The following PTPRG variants were observed in gnomAD, a reference collection of about 807,000 sequenced individuals.
PTPRG encodes protein tyrosine phosphatase receptor type G, also known as receptor-type tyrosine-protein phosphatase gamma.
PTPRG carries 102 observed loss-of-function variants against 165.3 expected under a neutral mutation model. The ratio of observed to expected loss-of-function variants is 0.62; its 90% CI spans 0.53 to 0.73. The LOEUF is 0.73. Ranked by LOEUF, PTPRG falls within the 30% of genes least tolerant of loss-of-function variation. The pLI is 0.00. For missense variants in PTPRG, 1,866 were observed against 1,861.4 expected (o/e 1.00, Z -0.05); for synonymous variants, 675 against 669.5 (o/e 1.01, Z -0.13).
intron 1 of PTPRG, among the ~76,000 whole-genome samples, chr3:61,679,746 A>T (rs906714361): frequency 6.6e-6 from 1 of 152,144 alleles, no homozygotes; most frequent in Non-Finnish European, 1.5e-5. Flanking sequence ...ATGCCGTTGC[A>T]CTGCAGCCTG....
chr3:62,003,333 C>G lies in PTPRG; in HGVS notation c.371-16C>G. 1 of 1,604,594 alleles carries G rather than the reference C, an allele frequency of 6.2e-7. No homozygotes were observed. Among genetic ancestry groups the G allele is most frequent in the Non-Finnish European group, 8.5e-7 (1 of 1,176,684 alleles). ...AACTCACTTTGTTTTCCTCTCTTCT[C>G]ATTTGTTTCACACAGTCGCCATCCT... On this transcript the variant is annotated splice_polypyrimidine_tract_variant and intron_variant, in intron 3 of 29. Transcript: ENST00000474889.
At chr3:61,574,906 T>A (rs1200032289) in intron 1 of PTPRG, among the ~76,000 whole-genome samples, 1 of 152,060 alleles carries the variant, frequency 6.6e-6, no homozygotes, top group Non-Finnish European at 1.5e-5. Context: ...GAGAAGTGAC[T>A]CGGGCTTGCC....
intron 12 of PTPRG, among the ~76,000 whole-genome samples, chr3:62,209,469 G>A (rs558748153): frequency 3.9e-5 from 6 of 152,282 alleles, no homozygotes; most frequent in African/African-American, 7.2e-5. Flanking sequence ...CATGCAGATC[G>A]GGCAGAAATC....
chr3:61,673,371 G>T (rs867532261), intron 1 of PTPRG, among the ~76,000 whole-genome samples: 2 of 152,108 alleles, frequency 1.3e-5, no homozygotes, highest in African/African-American at 4.8e-5. Context: ...AGCCTGAATG[G>T]TCCCATGGGA....
chr3:61,930,045 T>G (rs560051021), intron 2 of PTPRG, among the ~76,000 whole-genome samples: 2 of 152,150 alleles, frequency 1.3e-5, no homozygotes, highest in South Asian at 4.2e-4. Flanking sequence ...GCGGTATTTT[T>G]TTTTTTTTTT....
intron 5 of PTPRG, among the ~76,000 whole-genome samples, chr3:62,121,453 A>T (rs910597559): frequency 2.0e-5 from 3 of 152,154 alleles, no homozygotes; most frequent in Admixed American, 2.0e-4. Context: ...CCATGACTAT[A>T]CAGCTGCTAA....
At chr3:61,677,727 A>G (rs1251352398) in intron 1 of PTPRG, among the ~76,000 whole-genome samples, 7 of 152,182 alleles carry the variant, frequency 4.6e-5, no homozygotes, top group Non-Finnish European at 1.0e-4. Context: ...CTTCAAATGC[A>G]CAGGGTCCCA....
chr3:62,083,199 A>T (rs548263405), intron 5 of PTPRG, among the ~76,000 whole-genome samples: 41 of 152,304 alleles, frequency 2.7e-4, no homozygotes, highest in Admixed American at 4.6e-4. Context: ...CTGTGAAAAT[A>T]TAAAATATCA....
At chr3:62,289,575 G>T (rs1034758484) in intron 28 of PTPRG, among the ~76,000 whole-genome samples, 12 of 151,824 alleles carry the variant, frequency 7.9e-5, no homozygotes, top group African/African-American at 2.9e-4. Context: ...TAGTAATGTA[G>T]AGCTGGTGTT....
intron 4 of PTPRG, among the ~76,000 whole-genome samples, chr3:62,057,107 A>C (rs1274406476): frequency 6.6e-6 from 1 of 152,240 alleles, no homozygotes; most frequent in Non-Finnish European, 1.5e-5. Context: ...TGGCAGACTG[A>C]AAGTCAATGT....
At chr3:61,838,921 C>A (rs1443965532) in intron 2 of PTPRG, among the ~76,000 whole-genome samples, 1 of 152,168 alleles carries the variant, frequency 6.6e-6, no homozygotes, top group Non-Finnish European at 1.5e-5. Flanking sequence ...CTAAGCTTTT[C>A]ATGCTTAATA....
intron 2 of PTPRG, among the ~76,000 whole-genome samples, chr3:61,904,036 C>A (rs2038574190): frequency 6.6e-6 from 1 of 152,162 alleles, no homozygotes; most frequent in African/African-American, 2.4e-5. Flanking sequence ...GTCTCTTTCA[C>A]ATCTGGGTGT....
chr3:62,188,482 A>T (rs72874702), intron 8 of PTPRG, among the ~76,000 whole-genome samples: 1 of 152,202 alleles, frequency 6.6e-6, no homozygotes, highest in African/African-American at 2.4e-5. Flanking sequence ...TGCATGTTGG[A>T]GTCCCAGAAT....
At chr3:61,955,433 A>G (rs558644903) in intron 2 of PTPRG, among the ~76,000 whole-genome samples, 14 of 152,362 alleles carry the variant, frequency 9.2e-5, no homozygotes, top group African/African-American at 1.4e-4. Context: ...GTAACCTGCA[A>G]TGCTATGCTA....
chr3:61,856,848 G>C (rs770694555), intron 2 of PTPRG, among the ~76,000 whole-genome samples: 2 of 152,136 alleles, frequency 1.3e-5, no homozygotes, highest in Non-Finnish European at 2.9e-5. Context: ...GGTAGAATTA[G>C]CCCATTTTGT....
intron 1 of PTPRG, among the ~76,000 whole-genome samples, chr3:61,680,032 T>C (rs1703376278): frequency 6.6e-6 from 1 of 152,184 alleles, no homozygotes; most frequent in Non-Finnish European, 1.5e-5. Context: ...ACATTAAAAC[T>C]TCCTATTCTC....
chr3:61,793,995 G>C (rs903183827), intron 2 of PTPRG, among the ~76,000 whole-genome samples: 1 of 152,224 alleles, frequency 6.6e-6, no homozygotes, highest in African/African-American at 2.4e-5. Context: ...TGATTTTGCT[G>C]TAGAGGAAGT....
Position 61,736,222 on chromosome 3 carries a change from T to A in PTPRG, c.86-12656T>A, listed in dbSNP as rs570948068. On this transcript the variant is annotated intron_variant, in intron 1 of 29. Transcript: ENST00000474889. ...CGCACCCGGCCATTTTTTTTTTTTT[T>A]AATTTTTTAATCATCACTGACATAA... Among the ~76,000 whole-genome samples, 986 of 151,522 alleles carry A rather than the reference T, an allele frequency of 6.5e-3. 13 individuals carry two copies. The highest frequency in any genetic ancestry group is 0.022 in the African/African-American group (890 of 41,238).
chr3:62,072,888 A>G (rs1022664518), intron 4 of PTPRG, among the ~76,000 whole-genome samples: 1 of 152,210 alleles, frequency 6.6e-6, no homozygotes, highest in Non-Finnish European at 1.5e-5. Flanking sequence ...CCTTTGAACC[A>G]GGACTTAAAT....
Sources: gnomAD v4.1 joint callset for allele counts (sites outside exome capture counted in the v4.1 genomes callset) on GRCh38, gnomAD v4.1.1 for gene constraint, MANE v1.5 for transcripts, NCBI Gene and HGNC (gene_info 2026-07-23, HGNC 2026-07-21) for gene names.